The following RASSF3 variants were observed in gnomAD, a reference collection of about 807,000 sequenced individuals.
RASSF3 encodes the protein Ras association domain family member 3, also known as ras association domain-containing protein 3.
Under a neutral mutation model 19.9 loss-of-function variants are expected in RASSF3, and 19 were observed. The observed-to-expected ratio is 0.96, with a 90% CI of 0.67 to 1.40. RASSF3 has a LOEUF of 1.40. Among genes scored for constraint, RASSF3 ranks in the 40% most tolerant of loss-of-function variants. The probability of loss-of-function intolerance (pLI) is 0.00; values close to 1 mark genes in which losing one functional copy is unlikely to be tolerated. For missense variants in RASSF3, 306 were observed against 289.8 expected, an observed-to-expected ratio of 1.06 and a Z score of -0.41; for synonymous variants, 110 against 104.2, an observed-to-expected ratio of 1.06 and a Z score of -0.34.
intron 1 of RASSF3, among the ~76,000 whole-genome samples, chr12:64,636,587 C>T (rs927540113): frequency 3.9e-4 from 59 of 151,178 alleles, no homozygotes; most frequent in African/African-American, 1.4e-3. Flanking sequence ...TTAAAGTAGC[C>T]GGGCGCGGTG....
chr12:64,610,789 G>C, intron 1 of RASSF3, 46 bp downstream of exon 1: 1 of 1,350,686 alleles, frequency 7.4e-7, no homozygotes, highest in Non-Finnish European at 1.0e-6. Flanking sequence ...CCAGAGTTCC[G>C]GGGAACCCGC....
chr12:64,675,230 A>G (rs892280809), intron 1 of RASSF3, among the ~76,000 whole-genome samples: 1 of 152,108 alleles, frequency 6.6e-6, no homozygotes. Context: ...TAATGTACTC[A>G]TTTGCTCATA....
intron 2 of RASSF3, among the ~76,000 whole-genome samples, chr12:64,562,055 T>A (rs1177088381): frequency 2.0e-5 from 3 of 151,072 alleles, no homozygotes; most frequent in Admixed American, 6.6e-5. Context: ...TCTTGCTCTG[T>A]TGCCCAGGCT....
chr12:64,635,508 A>G (rs1441199899), intron 1 of RASSF3, among the ~76,000 whole-genome samples: 1 of 152,216 alleles, frequency 6.6e-6, no homozygotes, highest in Admixed American at 6.5e-5. Flanking sequence ...TGCTGTTGAT[A>G]AGGATGGCTC....
At chr12:64,639,406 C>T (rs1871433971) in intron 1 of RASSF3, among the ~76,000 whole-genome samples, 1 of 151,680 alleles carries the variant, frequency 6.6e-6, no homozygotes, top group South Asian at 2.1e-4. Flanking sequence ...ATTTGACTTA[C>T]AGTGAATGTG....
chr12:64,536,690 A>G (rs999338962), intron 1 of RASSF3, among the ~76,000 whole-genome samples: 2 of 152,208 alleles, frequency 1.3e-5, no homozygotes, highest in Non-Finnish European at 2.9e-5. Context: ...TTGAATTTAA[A>G]TAAGGAATTA....
intron 1 of RASSF3, among the ~76,000 whole-genome samples, chr12:64,514,120 C>A (rs1360979031): frequency 6.6e-6 from 1 of 150,528 alleles, no homozygotes. Context: ...AACTCCTGAC[C>A]TCGTGATCCA....
At chr12:64,536,960 A>T (rs1359232900) in intron 1 of RASSF3, among the ~76,000 whole-genome samples, 1 of 152,242 alleles carries the variant, frequency 6.6e-6, no homozygotes, top group Non-Finnish European at 1.5e-5. Flanking sequence ...CATTTACTTC[A>T]AGGCGAGGTC....
At chr12:64,643,810 A>G (rs1198435183) in intron 1 of RASSF3, among the ~76,000 whole-genome samples, 1 of 152,160 alleles carries the variant, frequency 6.6e-6, no homozygotes, top group Non-Finnish European at 1.5e-5. Flanking sequence ...GTTAATTCTA[A>G]AAAGGGCAAT....
At chr12:64,564,556 AT>A (rs989709967) in intron 2 of RASSF3, among the ~76,000 whole-genome samples, 10 of 151,072 alleles carry the variant, frequency 6.6e-5, no homozygotes, top group Non-Finnish European at 1.3e-4. Context: ...CTAATTTTGT[AT>A]TTTTAGTAGA....
At chr12:64,612,211 T>G (rs1418996672) in intron 1 of RASSF3, among the ~76,000 whole-genome samples, 1 of 152,190 alleles carries the variant, frequency 6.6e-6, no homozygotes, top group East Asian at 1.9e-4. Context: ...TTCTCTTTCT[T>G]GGCCTCTCTC....
chr12:64,678,112 C>T (rs1460624572), intron 1 of RASSF3, among the ~76,000 whole-genome samples: 3 of 152,154 alleles, frequency 2.0e-5, no homozygotes, highest in Non-Finnish European at 2.9e-5. Flanking sequence ...GAGTCAAGAC[C>T]TAGACTCAGT....
intron 1 of RASSF3, among the ~76,000 whole-genome samples, chr12:64,618,818 A>G (rs919253311): frequency 6.6e-6 from 1 of 152,192 alleles, no homozygotes; most frequent in African/African-American, 2.4e-5. Context: ...CACTAGCTAC[A>G]TGTAGTTTTT....
intron 2 of RASSF3, among the ~76,000 whole-genome samples, chr12:64,595,922 C>G (rs1405854435): frequency 2.6e-5 from 4 of 152,134 alleles, no homozygotes; most frequent in Non-Finnish European, 5.9e-5. Context: ...TCTCCAAAGC[C>G]AGCCATAAAA....
intron 1 of RASSF3, among the ~76,000 whole-genome samples, chr12:64,619,764 G>A (rs370187203): frequency 6.6e-6 from 1 of 151,990 alleles, no homozygotes; most frequent in African/African-American, 2.4e-5. Context: ...GGCGGATCAC[G>A]AGGTCGGGAG....
At chr12:64,617,199 T>C (rs1870582006) in intron 1 of RASSF3, among the ~76,000 whole-genome samples, 1 of 152,194 alleles carries the variant, frequency 6.6e-6, no homozygotes, top group Non-Finnish European at 1.5e-5. Flanking sequence ...CAGGTAGTAG[T>C]GATTTAAAAT....
At chr12:64,680,684 G>A (rs555375751) in intron 1 of RASSF3, among the ~76,000 whole-genome samples, 1 of 151,942 alleles carries the variant, frequency 6.6e-6, no homozygotes, top group Non-Finnish European at 1.5e-5. Context: ...CGTGATCTCG[G>A]CTTACTGCGA....
intron 2 of RASSF3, among the ~76,000 whole-genome samples, chr12:64,566,020 G>A (rs1436939835): frequency 6.6e-6 from 1 of 152,146 alleles, no homozygotes; most frequent in Non-Finnish European, 1.5e-5. Flanking sequence ...GGCCAACATG[G>A]TGAAACACCA....
chr12:64,623,397 C>T (rs576341661), intron 1 of RASSF3, among the ~76,000 whole-genome samples: 10 of 152,224 alleles, frequency 6.6e-5, no homozygotes, highest in East Asian at 5.8e-4. Context: ...CACGTTTATC[C>T]GTTTAGGCCT....
Sources: gnomAD v4.1 joint callset for allele counts (sites outside exome capture counted in the v4.1 genomes callset) on GRCh38, gnomAD v4.1.1 for gene constraint, MANE v1.5 for transcripts, NCBI Gene and HGNC (gene_info 2026-07-23, HGNC 2026-07-21) for gene names.